Variants in THAP6 observed in about 807,000 individuals in gnomAD.
The protein encoded by THAP6 is THAP domain containing 6, also known as THAP domain-containing protein 6.
A neutral mutation model predicts 20.0 loss-of-function variants in THAP6; 13 were observed. That is an observed-to-expected ratio of 0.65 (90% confidence interval 0.42 to 1.03). The LOEUF (loss-of-function observed/expected upper bound fraction) is 1.03, where lower values mean the gene tolerates loss of function less well. Among genes scored for constraint, THAP6 ranks in the 50% least tolerant of loss-of-function variants. THAP6 has a pLI of 0.00. For missense variants in THAP6, 262 were observed against 261.6 expected, an observed-to-expected ratio of 1.00 and a Z score of -0.01; for synonymous variants, 93 against 92.2, an observed-to-expected ratio of 1.01 and a Z score of -0.05.
At chr4:75,519,012 T>C (rs1725843702) in intron 3 of THAP6, among the ~76,000 whole-genome samples, 1 of 152,186 alleles carries the variant, frequency 6.6e-6, no homozygotes, top group South Asian at 2.1e-4. Context: ...GTCACTCCCC[T>C]CAGACCAAGA....
chr4:75,517,425 T>C lies in THAP6; in HGVS notation c.288+446T>C, dbSNP rs565973912. ...TTCTTGAAGTTTTAAATTTGTAGAC[T>C]GCATCTTCAACTTTTGTAATGTGTA... On this transcript the variant is annotated intron_variant, in intron 3 of 4. Transcript: ENST00000311638. 1.5e-4 allele frequency: 24 copies of C among 155,908 alleles called. No individual in the cohort carries two copies. In the South Asian group the frequency reaches 4.4e-3, roughly 28 times the overall value. The allele number at this position is 155,908 out of a possible 1,614,324, so 9.7% of individuals were successfully genotyped here.
At chr4:75,547,082 C>T (rs1256265086) in intron 3 of THAP6, among the ~76,000 whole-genome samples, 1 of 152,124 alleles carries the variant, frequency 6.6e-6, no homozygotes, top group Non-Finnish European at 1.5e-5. Flanking sequence ...ACCTCCTGCC[C>T]CCAAGTCCTT....
chr4:75,527,756 C>G lies in THAP6; in HGVS notation c.*542C>G. On this transcript the variant is annotated 3_prime_UTR_variant, in exon 5 of 5. Coordinates refer to ENST00000311638, the MANE Select transcript of THAP6 (RefSeq NM_144721.6). ...CCTGTGGTATTGACTCTGAGAATAA[C>G]ACATAGTGAAGATCTGTGGGCTTTT... is the stretch of plus-strand genomic sequence containing the variant. The G allele has an allele frequency of 1.0e-6, 1 of 987,822 alleles. No homozygotes were observed. Among genetic ancestry groups the G allele is most frequent in the Non-Finnish European group, 1.2e-6 (1 of 831,504 alleles). 61.2% of individuals were successfully genotyped at this position (987,822 alleles called of 1,614,324 possible).
downstream of THAP6, among the ~76,000 whole-genome samples, chr4:75,530,414 A>G (rs1217424465): frequency 6.6e-6 from 1 of 152,210 alleles, no homozygotes; most frequent in African/African-American, 2.4e-5. Context: ...CATGCCGCAG[A>G]TCACTGGATA....
chr4:75,528,183 AT>A lies in THAP6; in HGVS notation c.*971del. ...TAGAATATTTTAATTAGGGGAGTAGATTATTGTCCAAAGGCTTTTATTTAGA... is the reference window on the plus strand; with the variant it reads ...TAGAATATTTTAATTAGGGGAGTAGATATTGTCCAAAGGCTTTTATTTAGA... On this transcript the variant is annotated 3_prime_UTR_variant, in exon 5 of 5. Transcript: ENST00000311638. 1.0e-6 allele frequency: 1 copy of A among 985,258 alleles called. No individual in the cohort carries two copies. Among genetic ancestry groups the A allele is most frequent in the Non-Finnish European group, 1.2e-6 (1 of 829,752 alleles). 61.0% of individuals were successfully genotyped at this position (985,258 alleles called of 1,614,324 possible). A position where few individuals can be genotyped will look rare whatever the true frequency, so the allele number is the denominator to read the frequency against.
At chr4:75,534,564 G>C (rs904943756), downstream of THAP6, among the ~76,000 whole-genome samples, 15 of 152,164 alleles carry the variant, frequency 9.9e-5, no homozygotes, top group African/African-American at 3.6e-4. Flanking sequence ...TGACAAATTG[G>C]ATCTAATGAA....
intron 3 of THAP6, among the ~76,000 whole-genome samples, chr4:75,546,587 C>A (rs766689561): frequency 1.3e-5 from 2 of 152,202 alleles, no homozygotes; most frequent in Non-Finnish European, 2.9e-5. Context: ...GAAACAGAAC[C>A]AATAGGGTGA....
chr4:75,530,973 T>C (rs767335496), downstream of THAP6, among the ~76,000 whole-genome samples: 3 of 152,188 alleles, frequency 2.0e-5, no homozygotes, highest in Non-Finnish European at 4.4e-5. Context: ...AGCACCTCAG[T>C]GAGCCCCACA....
rs146730644 is a variant in THAP6 at position 75,540,428 on chromosome 4, T to C, written c.166-1981T>C. ...CAGTGTCTCAGAGCATCAAGTCACTTACTAAACAGATAATCCTTGAACTCA... is the reference window on the plus strand; with the variant it reads ...CAGTGTCTCAGAGCATCAAGTCACTCACTAAACAGATAATCCTTGAACTCA... On this transcript the variant is annotated intron_variant, in intron 2 of 4. Coordinates refer to the THAP6 transcript ENST00000502620. 5.9e-3 allele frequency among the ~76,000 whole-genome samples: 903 copies of C among 152,350 alleles called. 8 individuals carry two copies. The highest frequency in any genetic ancestry group is 0.021 in the African/African-American group (867 of 41,592).
chr4:75,544,292 A>G (rs1038576047), intron 3 of THAP6: 6 of 152,254 alleles, frequency 3.9e-5, no homozygotes, highest in African/African-American at 1.4e-4. Context: ...TCTAAAAGAT[A>G]AGGACTTTAT....
chr4:75,514,455 C>G (rs766150066), upstream of THAP6: 43 of 710,174 alleles, frequency 6.1e-5, 1 homozygote, highest in South Asian at 3.3e-4. Context: ...CCCGGGGCTA[C>G]GAGGCGGAAG....
rs571314716 is a variant in THAP6 at position 75,520,038 on chromosome 4, G to T, written c.289-1698G>T. On this transcript the variant is annotated intron_variant, in intron 3 of 4. Transcript: ENST00000311638. ...TTGCCATTCTAACTGGTGTGAGATG[G>T]TATCTCATTGTGGTTTTGATTTGCA... is the stretch of plus-strand genomic sequence containing the variant. Among the ~76,000 whole-genome samples, 867 of 151,204 alleles carry T rather than the reference G, an allele frequency of 5.7e-3. 9 individuals are homozygous for T. The highest frequency in any genetic ancestry group is 0.02 in the African/African-American group (815 of 41,170).
Position 75,527,979 on chromosome 4 carries a change from T to G in THAP6, c.*765T>G, listed in dbSNP as rs1156335294. ...ACTTTGCTTCATGACTATTTCGTCA[T>G]AAAGGTATATGTTTAAAATCTGAAT... On this transcript the variant is annotated 3_prime_UTR_variant, in exon 5 of 5. Transcript: ENST00000311638. 2.0e-6 allele frequency: 2 copies of G among 985,328 alleles called. No homozygotes were observed. The highest frequency in any genetic ancestry group is 2.4e-6 in the Non-Finnish European group (2 of 829,908). The allele number at this position is 985,328 out of a possible 1,614,324, so 61.0% of individuals were successfully genotyped here.
At position 75,540,431 on chromosome 4, in the gene THAP6, T is replaced by C. The variant is rs1470074752; in HGVS notation, c.166-1978T>C. Among the ~76,000 whole-genome samples, 6 of 152,364 alleles carry C rather than the reference T, an allele frequency of 3.9e-5. No individual in the cohort carries two copies. The East Asian group carries it at 1.2e-3, about 29-fold the overall frequency. On this transcript the variant is annotated intron_variant, in intron 2 of 4. Coordinates refer to the THAP6 transcript ENST00000502620. Reference sequence around the variant, plus strand: ...TGTCTCAGAGCATCAAGTCACTTACTAAACAGATAATCCTTGAACTCACCT... The same window carrying C: ...TGTCTCAGAGCATCAAGTCACTTACCAAACAGATAATCCTTGAACTCACCT...
At position 75,529,493 on chromosome 4, in the gene THAP6, C is replaced by T; in HGVS notation, c.*2279C>T. 1.0e-6 allele frequency: 1 copy of T among 985,402 alleles called. No homozygotes were observed. The highest frequency in any genetic ancestry group is 4.7e-5 in the South Asian group (1 of 21,284). 61.0% of individuals were successfully genotyped at this position (985,402 alleles called of 1,614,324 possible). On this transcript the variant is annotated 3_prime_UTR_variant, in exon 5 of 5. Coordinates refer to ENST00000311638, the MANE Select transcript of THAP6 (RefSeq NM_144721.6). ...TTAAGGACCCAGAGCTGCCCATTTT[C>T]TCTTTGTTCTAATAGGGAAGCAATT...
chr4:75,517,015 A>ATT, intron 3 of THAP6, 36 bp downstream of exon 3: 1 of 1,138,546 alleles, frequency 8.8e-7, no homozygotes, highest in Non-Finnish European at 1.2e-6. Flanking sequence ...ATCATTGCTC[A>ATT]CTTTTTTTTT....
At chr4:75,538,448 C>T (rs1726925937) in intron 2 of THAP6, among the ~76,000 whole-genome samples, 1 of 150,934 alleles carries the variant, frequency 6.6e-6, no homozygotes, top group Non-Finnish European at 1.5e-5. Flanking sequence ...CTGGCTTGTG[C>T]CTGAGAAGAT....
At chr4:75,537,376 C>T (rs114019885) in intron 2 of THAP6, among the ~76,000 whole-genome samples, 2,449 of 152,190 alleles carry the variant, frequency 0.016, 74 homozygotes, top group African/African-American at 0.056. Context: ...ATAATTGAAT[C>T]ATGAGAGCGG....
Position 75,528,452 on chromosome 4 carries a change from T to G in THAP6, c.*1238T>G. On this transcript the variant is annotated 3_prime_UTR_variant, in exon 5 of 5. Coordinates refer to ENST00000311638, the MANE Select transcript of THAP6 (RefSeq NM_144721.6). ...ATGGACCTCATTCAGAAGTCCATGT[T>G]GTAGCAGTTAGAATTTGAGTATCAG... The G allele has an allele frequency of 1.0e-6, 1 of 985,324 alleles. No homozygotes were observed. Among genetic ancestry groups the G allele is most frequent in the Non-Finnish European group, 1.2e-6 (1 of 829,826 alleles). 61.0% of individuals were successfully genotyped at this position (985,324 alleles called of 1,614,324 possible).
Sources: allele counts gnomAD v4.1 joint callset (sites outside exome capture counted in the v4.1 genomes callset), GRCh38; gene constraint gnomAD v4.1.1; transcripts MANE v1.5; gene names NCBI Gene and HGNC (gene_info 2026-07-23, HGNC 2026-07-21).